Variants in TSPAN5 observed in about 807,000 individuals in gnomAD.
TSPAN5 encodes tetraspanin-5.
Under a neutral mutation model 37.1 loss-of-function variants are expected in TSPAN5, and 10 were observed. The ratio of observed to expected loss-of-function variants is 0.27; its 90% CI spans 0.17 to 0.46. The LOEUF (loss-of-function observed/expected upper bound fraction) is 0.46, where lower values mean the gene tolerates loss of function less well. Among genes scored for constraint, TSPAN5 ranks in the 20% least tolerant of loss-of-function variants. TSPAN5 has a pLI of 1.00. For synonymous variants in TSPAN5, 110 were observed against 118.9 expected (o/e 0.93, Z 0.48); for missense variants, 195 against 326.6 (o/e 0.60, Z 3.11).
chr4:98,601,840 T>C (rs1046734992), intron 1 of TSPAN5, among the ~76,000 whole-genome samples: 2 of 152,192 alleles, frequency 1.3e-5, no homozygotes, highest in Non-Finnish European at 2.9e-5. Flanking sequence ...TTTGTAGCTT[T>C]TGATTTAAAG....
At position 98,632,981 on chromosome 4, in the gene TSPAN5, A is replaced by G. The variant is rs188691936; in HGVS notation, c.81+25165T>C. Reference sequence around the variant, plus strand: ...CACTGAGGTCCAGGGCAAAGCATGAACCGTAGGCAGGAACACGGAAGGCAG... The same window carrying G: ...CACTGAGGTCCAGGGCAAAGCATGAGCCGTAGGCAGGAACACGGAAGGCAG... On this transcript the variant is annotated intron_variant, in intron 1 of 7. Transcript: ENST00000305798. 6.4e-3 allele frequency among the ~76,000 whole-genome samples: 977 copies of G among 152,270 alleles called. 12 individuals are homozygous for G. Among genetic ancestry groups the G allele is most frequent in the South Asian group, 8.3e-3 (40 of 4,822 alleles).
intron 1 of TSPAN5, among the ~76,000 whole-genome samples, chr4:98,527,550 A>T (rs1016746034): frequency 6.6e-6 from 1 of 152,230 alleles, no homozygotes; most frequent in Non-Finnish European, 1.5e-5. Flanking sequence ...CATTTGAAAA[A>T]TGCTTTGAAG....
intron 1 of TSPAN5, among the ~76,000 whole-genome samples, chr4:98,551,719 C>G (rs1754622832): frequency 6.7e-6 from 1 of 148,548 alleles, no homozygotes; most frequent in Non-Finnish European, 1.5e-5. Flanking sequence ...CCAGGATAGT[C>G]TCGATCTCCT....
chr4:98,531,000 G>A (rs1310991230), intron 1 of TSPAN5, among the ~76,000 whole-genome samples: 3 of 152,110 alleles, frequency 2.0e-5, no homozygotes, highest in South Asian at 2.1e-4. Flanking sequence ...TCAAACTCCT[G>A]GTATTATATA....
chr4:98,533,412 T>A (rs568414154), intron 1 of TSPAN5, among the ~76,000 whole-genome samples: 142 of 152,146 alleles, frequency 9.3e-4, no homozygotes, highest in African/African-American at 3.3e-3. Flanking sequence ...GGTTTAGACT[T>A]GTGGGGGGTG....
At chr4:98,615,689 T>C (rs1482551780) in intron 1 of TSPAN5, among the ~76,000 whole-genome samples, 3 of 152,170 alleles carry the variant, frequency 2.0e-5, no homozygotes, top group East Asian at 3.9e-4. Flanking sequence ...GGCGTGGTAA[T>C]GTATGCCTGT....
At chr4:98,586,686 G>T (rs1448572601) in intron 1 of TSPAN5, among the ~76,000 whole-genome samples, 1 of 152,196 alleles carries the variant, frequency 6.6e-6, no homozygotes, top group African/African-American at 2.4e-5. Context: ...TTAATCAAGC[G>T]AAAAGCAGCT....
rs754751075 is a variant in TSPAN5 at position 98,627,413 on chromosome 4, G to GA, written c.81+30732dup. Among the ~76,000 whole-genome samples the GA allele has an allele frequency of 8.1e-3, 1,171 of 145,370 alleles. 5 individuals are homozygous for GA. The highest frequency in any genetic ancestry group is 0.012 in the Non-Finnish European group (790 of 65,906). Reference sequence around the variant, plus strand: ...TGTAAGTGTGAAGTTGTTTCAAAAGGAAAAAAAAAACACAAAAGGAACCAG... The same window carrying GA: ...TGTAAGTGTGAAGTTGTTTCAAAAGGAAAAAAAAAAACACAAAAGGAACCAG... On this transcript the variant is annotated intron_variant, in intron 1 of 7. Transcript: ENST00000305798.
chr4:98,601,692 A>G (rs1192691430), intron 1 of TSPAN5, among the ~76,000 whole-genome samples: 3 of 152,188 alleles, frequency 2.0e-5, no homozygotes, highest in Non-Finnish European at 2.9e-5. Context: ...CTTTCTTATC[A>G]TTCATGGGTT....
At chr4:98,520,451 C>A (rs1395928274) in intron 1 of TSPAN5, among the ~76,000 whole-genome samples, 1 of 152,206 alleles carries the variant, frequency 6.6e-6, no homozygotes, top group Non-Finnish European at 1.5e-5. Context: ...GAACTCAGGA[C>A]TGGCCTGGGG....
chr4:98,588,530 T>C (rs578049555), intron 1 of TSPAN5, among the ~76,000 whole-genome samples: 2 of 152,360 alleles, frequency 1.3e-5, no homozygotes, highest in African/African-American at 4.8e-5. Context: ...ATATAATTTA[T>C]TCTCTCTTCC....
At chr4:98,645,614 T>TA (rs1374385977) in intron 1 of TSPAN5, among the ~76,000 whole-genome samples, 1 of 152,198 alleles carries the variant, frequency 6.6e-6, no homozygotes, top group Non-Finnish European at 1.5e-5. Context: ...GCAGGTGGTT[T>TA]ACAAATGGCT....
intron 1 of TSPAN5, among the ~76,000 whole-genome samples, chr4:98,635,317 TCTAA>T (rs1239034232): frequency 1.3e-5 from 2 of 152,206 alleles, no homozygotes; most frequent in Non-Finnish European, 2.9e-5. Flanking sequence ...AAATGGGTCC[TCTAA>T]CTGACTTAGC....
intron 1 of TSPAN5, among the ~76,000 whole-genome samples, chr4:98,539,259 C>T (rs528154444): frequency 1.3e-4 from 20 of 152,226 alleles, no homozygotes; most frequent in Non-Finnish European, 2.2e-4. Flanking sequence ...ATTTACAAAT[C>T]TCTGTTTCTT....
At chr4:98,573,465 C>T (rs528811980) in intron 1 of TSPAN5, among the ~76,000 whole-genome samples, 5 of 152,290 alleles carry the variant, frequency 3.3e-5, no homozygotes, top group East Asian at 1.9e-4. Flanking sequence ...CGAACTCCTG[C>T]GCTCAAGTGA....
At chr4:98,608,770 T>C (rs1249468981) in intron 1 of TSPAN5, among the ~76,000 whole-genome samples, 2 of 152,216 alleles carry the variant, frequency 1.3e-5, no homozygotes, top group African/African-American at 4.8e-5. Flanking sequence ...GTCTTCTTCA[T>C]CAGTCTCTCT....
chr4:98,530,730 T>TACACACACACAC (rs60087929), intron 1 of TSPAN5, among the ~76,000 whole-genome samples: 16 of 150,252 alleles, frequency 1.1e-4, no homozygotes, highest in African/African-American at 2.9e-4. Context: ...ACACATATTA[T>TACACACACACAC]ACACACACAC....
intron 1 of TSPAN5, among the ~76,000 whole-genome samples, chr4:98,566,932 T>C (rs759365826): frequency 1.3e-5 from 2 of 152,172 alleles, no homozygotes; most frequent in African/African-American, 4.8e-5. Flanking sequence ...CTGGAGCTGA[T>C]TGTAGCAGAA....
chr4:98,629,820 G>C (rs931097462), intron 1 of TSPAN5, among the ~76,000 whole-genome samples: 1 of 152,192 alleles, frequency 6.6e-6, no homozygotes, highest in African/African-American at 2.4e-5. Context: ...CTGTTAGTGA[G>C]TGAATAAATG....
Sources: allele counts gnomAD v4.1 joint callset (sites outside exome capture counted in the v4.1 genomes callset), GRCh38; gene constraint gnomAD v4.1.1; transcripts MANE v1.5; gene names NCBI Gene and HGNC (gene_info 2026-07-23, HGNC 2026-07-21).